Variants in PCDH11X observed in about 807,000 individuals in gnomAD.
The protein encoded by PCDH11X is protocadherin-11 X-linked.
A neutral mutation model predicts 53.3 loss-of-function variants in PCDH11X; 18 were observed. That is an observed-to-expected ratio of 0.34 (90% CI 0.23 to 0.50). The LOEUF (loss-of-function observed/expected upper bound fraction) is 0.50, where lower values mean the gene tolerates loss of function less well. Among genes scored for constraint, PCDH11X ranks in the 20% least tolerant of loss-of-function variants. The pLI is 0.98. For synonymous variants in PCDH11X, 279 were observed against 393.3 expected, an observed-to-expected ratio of 0.71 and a Z score of 3.44; for missense variants, 570 against 1,032.4, an observed-to-expected ratio of 0.55 and a Z score of 6.14.
chrX:91,860,604 A>G (rs1459877005), intron 5 of PCDH11X, among the ~76,000 whole-genome samples: 1 of 111,844 alleles, frequency 8.9e-6, no homozygotes, highest in Admixed American at 9.5e-5. Context: ...TGGGTTTGTC[A>G]TAAATGGCTC....
intron 6 of PCDH11X, among the ~76,000 whole-genome samples, chrX:92,011,955 T>A (rs1013698098): frequency 8.1e-5 from 9 of 110,984 alleles, no homozygotes; most frequent in Non-Finnish European, 1.5e-4. Flanking sequence ...AGTAGTTTTT[T>A]ATATATTTTT....
At position 91,806,774 on chromosome X, in the gene PCDH11X, G is replaced by A. The variant is rs527704213; in HGVS notation, c.-378-2692G>A. On this transcript the variant is annotated intron_variant, in intron 1 of 10. Transcript: ENST00000682573. Reference sequence around the variant, plus strand: ...CTTACCATTGACAGGGGCTAGTGTCGATATTCCTTGTGGTTTTCCCTTATT... The same window carrying A: ...CTTACCATTGACAGGGGCTAGTGTCAATATTCCTTGTGGTTTTCCCTTATT... 1.4e-3 allele frequency among the ~76,000 whole-genome samples: 159 copies of A among 111,734 alleles called. 9 individuals are homozygous for A. Among genetic ancestry groups the A allele is most frequent in the South Asian group, 8.6e-3 (23 of 2,660 alleles).
chrX:92,230,348 G>T (rs2067042923), intron 7 of PCDH11X, among the ~76,000 whole-genome samples: 1 of 98,816 alleles, frequency 1.0e-5, no homozygotes, highest in South Asian at 4.3e-4. Flanking sequence ...AACTCAGATT[G>T]TTTTCTCATT....
chrX:92,415,242 C>T (rs2071782821), intron 9 of PCDH11X, among the ~76,000 whole-genome samples: 1 of 111,535 alleles, frequency 9.0e-6, no homozygotes, highest in Non-Finnish European at 1.9e-5. Flanking sequence ...ACTCTACTGT[C>T]TAAGTTACAC....
chrX:91,852,324 G>A (rs928824351), intron 5 of PCDH11X, among the ~76,000 whole-genome samples: 3 of 109,353 alleles, frequency 2.7e-5, no homozygotes, highest in Admixed American at 2.0e-4. Flanking sequence ...CCAAAATTAG[G>A]TATTATTTGT....
At chrX:92,211,333 C>G (rs1053486355) in intron 7 of PCDH11X, among the ~76,000 whole-genome samples, 2 of 110,999 alleles carry the variant, frequency 1.8e-5, no homozygotes, top group African/African-American at 6.6e-5. Context: ...GGTAGCCTCA[C>G]AACTCACTCA....
intron 6 of PCDH11X, among the ~76,000 whole-genome samples, chrX:92,142,347 T>A (rs112150336): frequency 0.043 from 4,341 of 100,247 alleles, 210 homozygotes; most frequent in African/African-American, 0.15. Flanking sequence ...GTAGAGACAG[T>A]TGGTCCATGC....
intron 9 of PCDH11X, among the ~76,000 whole-genome samples, chrX:92,419,321 C>T (rs1174143956): frequency 1.1e-5 from 1 of 92,093 alleles, no homozygotes; most frequent in Admixed American, 1.4e-4. Context: ...GGTCTTGTTA[C>T]GTTGCCCCAG....
At chrX:92,399,518 A>G (rs1340632268) in intron 9 of PCDH11X, among the ~76,000 whole-genome samples, 2 of 111,919 alleles carry the variant, frequency 1.8e-5, no homozygotes, top group Non-Finnish European at 3.8e-5. Context: ...AACACATTGT[A>G]TTATATTTTA....
chrX:92,210,433 G>A (rs1323639802), intron 7 of PCDH11X, among the ~76,000 whole-genome samples: 1 of 107,920 alleles, frequency 9.3e-6, no homozygotes, highest in Non-Finnish European at 1.9e-5. Context: ...TAGAGACGGG[G>A]TTTCACTGTG....
intron 8 of PCDH11X, among the ~76,000 whole-genome samples, chrX:92,347,751 A>G (rs901837627): frequency 9.8e-5 from 11 of 111,946 alleles, no homozygotes; most frequent in African/African-American, 2.6e-4. Flanking sequence ...AAGTACATTT[A>G]AAAACCCTTT....
At chrX:92,578,503 C>T (rs910392079) in intron 10 of PCDH11X, among the ~76,000 whole-genome samples, 3 of 107,580 alleles carry the variant, frequency 2.8e-5, no homozygotes, top group African/African-American at 1.0e-4. Flanking sequence ...ATTAGTAATG[C>T]CCTTCTTTGT....
intron 10 of PCDH11X, among the ~76,000 whole-genome samples, chrX:92,517,435 G>A (rs984549463): frequency 2.7e-5 from 3 of 111,771 alleles, no homozygotes; most frequent in African/African-American, 6.5e-5. Flanking sequence ...CATAGCCTTC[G>A]TGCTAATTCA....
intron 9 of PCDH11X, among the ~76,000 whole-genome samples, chrX:92,398,003 A>T (rs868348173): frequency 1.8e-5 from 2 of 110,713 alleles, no homozygotes; most frequent in Middle Eastern, 4.7e-3. Flanking sequence ...ACCCAAATTA[A>T]ATCCAAATAT....
At chrX:91,866,417 G>C (rs960639682) in intron 5 of PCDH11X, among the ~76,000 whole-genome samples, 1 of 110,470 alleles carries the variant, frequency 9.1e-6, no homozygotes, top group African/African-American at 3.3e-5. Flanking sequence ...GGACCACTGG[G>C]ATCAGTGGTT....
intron 6 of PCDH11X, among the ~76,000 whole-genome samples, chrX:92,066,990 G>A (rs1437881559): frequency 8.9e-6 from 1 of 111,972 alleles, no homozygotes; most frequent in Non-Finnish European, 1.9e-5. Flanking sequence ...TGTAATTCCA[G>A]CTACTTGGGA....
In PCDH11X at chrX:92,619,305, A is replaced by G. The variant is rs2148823216; in HGVS notation, c.*365A>G. 4.4e-6 allele frequency: 1 copy of G among 227,930 alleles called. No homozygotes were observed. Among genetic ancestry groups the G allele is most frequent in the Non-Finnish European group, 7.7e-6 (1 of 129,262 alleles). 18.8% of individuals were successfully genotyped at this position (227,930 alleles called of 1,213,427 possible). ...TGTGGAACCAGTATGTAGCAAATGG[A>G]AAGCCTAGAAATATCTTATTTTCTA... On this transcript the variant is annotated 3_prime_UTR_variant, in exon 11 of 11. Transcript: ENST00000682573.
intron 8 of PCDH11X, among the ~76,000 whole-genome samples, chrX:92,329,369 A>G (rs1204846529): frequency 1.8e-5 from 2 of 111,464 alleles, no homozygotes; most frequent in East Asian, 5.7e-4. Context: ...AAGGATCAGG[A>G]ACAAGGCAAG....
rs757045963 is a variant in PCDH11X at position 92,331,279 on chromosome X, T to TTTCTTCTTCTTC, written c.3145-56428_3145-56417dup. On this transcript the variant is annotated intron_variant, in intron 8 of 10. Transcript: ENST00000682573. The stretch of plus-strand genomic sequence containing the variant: ...TTCTTTCCACCTCCTCCTCCTCCTC[T>TTTCTTCTTCTTC]TTCTTCTTCTTCTTCTTCTTCTTCT... 5.9e-3 allele frequency among the ~76,000 whole-genome samples: 314 copies of TTTCTTCTTCTTC among 53,203 alleles called. 19 individuals are homozygous for TTTCTTCTTCTTC. The highest frequency in any genetic ancestry group is 0.02 in the African/African-American group (280 of 13,681). The allele number at this position is 53,203 out of a possible 115,157, so 46.2% of individuals were successfully genotyped here.
Sources: allele counts gnomAD v4.1 joint callset (sites outside exome capture counted in the v4.1 genomes callset), GRCh38; gene constraint gnomAD v4.1.1; transcripts MANE v1.5; gene names NCBI Gene and HGNC (gene_info 2026-07-23, HGNC 2026-07-21).